GGCX: variants seen among roughly 807,000 people sequenced by gnomAD.
GGCX encodes vitamin K-dependent gamma-carboxylase.
A neutral mutation model predicts 88.5 loss-of-function variants in GGCX; 63 were observed. That is an observed-to-expected ratio of 0.71 (90% CI 0.58 to 0.88). GGCX has a LOEUF of 0.88. Ranked by LOEUF, GGCX falls within the 40% of genes least tolerant of loss-of-function variation. The pLI is 0.00. For missense variants in GGCX, 805 were observed against 932.9 expected (o/e 0.86, Z 1.79); for synonymous variants, 368 against 365.8 (o/e 1.01, Z -0.07).
At chr2:85,557,051 A>G (rs2103979949) in intron 4 of GGCX, among the ~76,000 whole-genome samples, 1 of 152,300 alleles carries the variant, frequency 6.6e-6, no homozygotes, top group African/African-American at 2.4e-5. Context: ...GAATCTCTGG[A>G]GCCCAGGAGT....
rs1027283486 is a variant in GGCX, at chr2:85,560,628, G to C, written c.214+187C>G. On this transcript the variant is annotated intron_variant, in intron 2 of 14. Transcript: ENST00000233838. The stretch of plus-strand genomic sequence containing the variant: ...AAGGAAAAAAAAAAAAGCATTTCTG[G>C]CCACCAAGTAAATCCTAACTGTAGG... 4.6e-5 allele frequency among the ~76,000 whole-genome samples: 7 copies of C among 152,006 alleles called. 1 individual carries two copies. The Middle Eastern group carries it at 0.01, about 223-fold the overall frequency.
chr2:85,550,467 T>C, intron 14 of GGCX, 88 bp downstream of exon 14: 1 of 938,700 alleles, frequency 1.1e-6, no homozygotes, highest in Admixed American at 1.8e-5. Flanking sequence ...CTTTCCTGTA[T>C]GACAGTCTCT....
chr2:85,553,485 T>C lies in GGCX; in HGVS notation c.902A>G (p.Tyr301Cys). ...SQLFSIGMFS[Y>C]VMLASSPLFC... ...GAGAGGGCTGCTGGCCAGCATGACG[T>C]AGGAGAACATACCTAGGAAAGCAGG... Residue 301 changes from tyrosine (Y) to cysteine (C), a missense_variant, in exon 8 of 15, where the codon TAC (tyrosine) becomes TGC (cysteine). Physicochemically the swap from Tyr to Cys is radical, Grantham distance 194. Transcript: ENST00000233838. 1 of 1,613,716 alleles carries C rather than the reference T, an allele frequency of 6.2e-7. No homozygotes were observed. Among genetic ancestry groups the C allele is most frequent in the South Asian group, 1.1e-5 (1 of 91,078 alleles).
rs1182105337 is a variant in GGCX at position 85,546,154 on chromosome 2, A to G, written c.*3780T>C. The G allele has an allele frequency of 6.6e-6, 1 of 152,204 alleles. No homozygotes were observed. Among genetic ancestry groups the G allele is most frequent in the Non-Finnish European group, 1.5e-5 (1 of 68,056 alleles). The allele number at this position is 152,204 out of a possible 1,614,324, so 9.4% of individuals were successfully genotyped here. A position where few individuals can be genotyped will look rare whatever the true frequency, so the allele number is the denominator to read the frequency against. On this transcript the variant is annotated 3_prime_UTR_variant, in exon 15 of 15. Transcript: ENST00000233838. The stretch of plus-strand genomic sequence containing the variant: ...TTGGAGGCCAGGCGGAGTGGCCTGT[A>G]ATATAGGCCACTATATAGTAATATA...
chr2:85,559,115 TA>T, intron 2 of GGCX, 40 bp from the exon 3 acceptor site: 1 of 1,565,176 alleles, frequency 6.4e-7, no homozygotes, highest in Non-Finnish European at 8.8e-7. Flanking sequence ...GGGCCTCAGC[TA>T]AGGAAGCAGT....
rs937974990 is a variant in GGCX at position 85,546,243 on chromosome 2, G to C, written c.*3691C>G. On this transcript the variant is annotated 3_prime_UTR_variant, in exon 15 of 15. Coordinates refer to ENST00000233838, the MANE Select transcript of GGCX (RefSeq NM_000821.7). ...GCATGCAGATCACGAGACCATCCTG[G>C]CTAACACAGTGAAACCCTGTCTCTA... The C allele has an allele frequency of 6.6e-6, 1 of 152,234 alleles. No homozygotes were observed. The highest frequency in any genetic ancestry group is 1.5e-5 in the Non-Finnish European group (1 of 68,116). The allele number at this position is 152,234 out of a possible 1,614,324, so 9.4% of individuals were successfully genotyped here.
rs765982989 is a variant in GGCX, at chr2:85,551,775, G to A, written c.1609+37C>T. On this transcript the variant is annotated intron_variant, in intron 11 of 14. Transcript: ENST00000233838. ...TGTCCCTGGCCAAGGAAGCCAGAAG[G>A]AAAGACAGAAAAGCCTCTCCTCACT... 47 of 1,602,036 alleles carry A rather than the reference G, an allele frequency of 2.9e-5. No individual in the cohort carries two copies. The East Asian group carries it at 1.0e-3, about 36-fold the overall frequency.
At chr2:85,555,697 T>C in intron 5 of GGCX, 107 bp from the exon 6 acceptor site, 1 of 715,132 alleles carries the variant, frequency 1.4e-6, no homozygotes, top group Middle Eastern at 2.3e-4. Context: ...TCCATGCTCC[T>C]GAGTTACAGT....
At chr2:85,555,323 G>C in intron 6 of GGCX, 161 bp downstream of exon 6, 2 of 610,634 alleles carry the variant, frequency 3.3e-6, no homozygotes, top group Admixed American at 2.6e-5. Context: ...TCAATCTTTT[G>C]ATACCACTGA....
intron 5 of GGCX, 108 bp from the exon 6 acceptor site, chr2:85,555,698 G>A (rs56058864): frequency 1.4e-6 from 1 of 714,532 alleles, no homozygotes; most frequent in Non-Finnish European, 2.6e-6. Flanking sequence ...CCATGCTCCT[G>A]AGTTACAGTC....
chr2:85,560,400 A>T (rs2103992096), intron 2 of GGCX, among the ~76,000 whole-genome samples: 1 of 152,250 alleles, frequency 6.6e-6, no homozygotes, highest in Non-Finnish European at 1.5e-5. Flanking sequence ...CAGCCTGGCC[A>T]ACATGGTGAA....
At position 85,549,616 on chromosome 2, in the gene GGCX, C is replaced by G. The variant is rs1174386283; in HGVS notation, c.*318G>C. The G allele has an allele frequency of 2.9e-6, 1 of 350,056 alleles. No homozygotes were observed. The highest frequency in any genetic ancestry group is 2.1e-5 in the African/African-American group (1 of 46,764). 21.7% of individuals were successfully genotyped at this position (350,056 alleles called of 1,614,324 possible). A position where few individuals can be genotyped will look rare whatever the true frequency, so the allele number is the denominator to read the frequency against. On this transcript the variant is annotated 3_prime_UTR_variant, in exon 15 of 15. Coordinates refer to ENST00000233838, the MANE Select transcript of GGCX (RefSeq NM_000821.7). ...CCTCAAGTGATCTGCCCACCTCAGC[C>G]TCCCAAAATGCTGGGATTACAGGCG...
chr2:85,553,115 C>T (rs754547010), intron 8 of GGCX, 45 bp from the exon 9 acceptor site: 14 of 1,613,882 alleles, frequency 8.7e-6, no homozygotes, highest in Non-Finnish European at 1.2e-5. Flanking sequence ...GCTTCTCACA[C>T]TGACCCCATC....
intron 2 of GGCX, among the ~76,000 whole-genome samples, chr2:85,560,050 T>C (rs1238580019): frequency 6.6e-6 from 1 of 152,148 alleles, no homozygotes; most frequent in African/African-American, 2.4e-5. Context: ...CATTGCCAAA[T>C]GTCTCCCAGG....
chr2:85,550,998 G>A lies in GGCX; in HGVS notation c.1815C>T (p.Asn605=). The A allele has an allele frequency of 6.2e-7, 1 of 1,613,472 alleles. No homozygotes were observed. Among genetic ancestry groups the A allele is most frequent in the Non-Finnish European group, 8.5e-7 (1 of 1,179,362 alleles). The change falls in exon 13 of 15, where the codon AAC becomes AAT. Residue 605 remains asparagine (N), a synonymous_variant. Transcript: ENST00000233838. ...SPSCYMYVYV[N]TTELALEQDL... ...CTTGCTCCAGTGCAAGCTCTGTAGTGTTGACATAGACGTACATGTAGCAAG... is the reference window on the plus strand; with the variant it reads ...CTTGCTCCAGTGCAAGCTCTGTAGTATTGACATAGACGTACATGTAGCAAG...
intron 12 of GGCX, 98 bp from the exon 13 acceptor site, chr2:85,551,170 G>T (rs1691933446): frequency 8.2e-7 from 1 of 1,214,622 alleles, no homozygotes; most frequent in East Asian, 2.3e-5. Context: ...CTACTCAATT[G>T]TGTTTTGGAA....
rs773718174 is a variant in GGCX at position 85,549,902 on chromosome 2, C to T, written c.*32G>A. On this transcript the variant is annotated 3_prime_UTR_variant, in exon 15 of 15. Transcript: ENST00000233838. ...CATAGAATGGGTCTGTGACTGGCTGCTTCTACATCTGCACCCAACATCTGG... is the reference window on the plus strand; with the variant it reads ...CATAGAATGGGTCTGTGACTGGCTGTTTCTACATCTGCACCCAACATCTGG... The T allele has an allele frequency of 7.1e-7, 1 of 1,398,768 alleles. No homozygotes were observed. 86.6% of individuals were successfully genotyped at this position (1,398,768 alleles called of 1,614,324 possible).
At position 85,546,365 on chromosome 2, in the gene GGCX, GT is replaced by G. The variant is rs1306577558; in HGVS notation, c.*3568del. 6.6e-6 allele frequency: 1 copy of G among 152,118 alleles called. No individual in the cohort carries two copies. The highest frequency in any genetic ancestry group is 1.5e-5 in the Non-Finnish European group (1 of 68,106). The allele number at this position is 152,118 out of a possible 1,614,324, so 9.4% of individuals were successfully genotyped here. A position where few individuals can be genotyped will look rare whatever the true frequency, so the allele number is the denominator to read the frequency against. ...GTGAACCCGGGAGGTGGAGCTTGCAGTGAGCTGAAATCGTGCCACCACACTC... is the reference window on the plus strand; with the variant it reads ...GTGAACCCGGGAGGTGGAGCTTGCAGGAGCTGAAATCGTGCCACCACACTC... On this transcript the variant is annotated 3_prime_UTR_variant, in exon 15 of 15. Coordinates refer to ENST00000233838, the MANE Select transcript of GGCX (RefSeq NM_000821.7).
intron 7 of GGCX, 35 bp from the exon 8 acceptor site, chr2:85,553,532 G>A: frequency 1.9e-6 from 3 of 1,609,696 alleles, no homozygotes; most frequent in South Asian, 1.1e-5. Context: ...TATTTCAGGA[G>A]TTTGGCTGGG....
Sources: gnomAD v4.1 joint callset for allele counts (sites outside exome capture counted in the v4.1 genomes callset) on GRCh38, gnomAD v4.1.1 for gene constraint, MANE v1.5 for transcripts, NCBI Gene and HGNC (gene_info 2026-07-23, HGNC 2026-07-21) for gene names.